Variants in EGFR observed in about 807,000 individuals in gnomAD.
EGFR encodes the protein avian erythroblastic leukemia viral (v-erb-b) oncogene homolog.
A neutral mutation model predicts 143.0 loss-of-function variants in EGFR; 58 were observed. The ratio of observed to expected loss-of-function variants is 0.41; its 90% CI spans 0.33 to 0.50. The LOEUF is 0.50. EGFR is among the 20% of genes least tolerant of loss of function. The pLI is 0.39. For synonymous variants in EGFR, 613 were observed against 594.4 expected (o/e 1.03, Z -0.45); for missense variants, 1,307 against 1,579.0 (o/e 0.83, Z 2.92).
Position 55,190,159 on chromosome 7 carries a change from T to G in EGFR, c.2470-1560T>G, listed in dbSNP as rs927558934. On this transcript the variant is annotated intron_variant, in intron 20 of 27. Transcript: ENST00000275493. ...TCCTCTCCCTTTCCACCCACCATCC[T>G]GACATAATACTTCCTAATCTGGAAG... Among the ~76,000 whole-genome samples the G allele has an allele frequency of 2.0e-5, 3 of 152,258 alleles. No homozygotes were observed. In the South Asian group the frequency reaches 6.2e-4, roughly 32 times the overall value.
chr7:55,138,932 G>A (rs1322768267), intron 1 of EGFR, among the ~76,000 whole-genome samples: 1 of 152,156 alleles, frequency 6.6e-6, no homozygotes, highest in Non-Finnish European at 1.5e-5. Flanking sequence ...CATGTGAGGT[G>A]GTGGGGAAGA....
Position 55,151,278 on chromosome 7 carries a change from T to A in EGFR, c.560-16T>A. 1 of 1,614,000 alleles carries A rather than the reference T, an allele frequency of 6.2e-7. No individual in the cohort carries two copies. Among genetic ancestry groups the A allele is most frequent in the Non-Finnish European group, 8.5e-7 (1 of 1,179,836 alleles). ...TCATTTCACTGAGATATGCATCTAT[T>A]ACTTTTACATTTCAGGCCAAAAGTG... On this transcript the variant is annotated splice_polypyrimidine_tract_variant and intron_variant, in intron 4 of 27. Transcript: ENST00000275493.
chr7:55,147,481 G>A (rs560791335), intron 4 of EGFR, among the ~76,000 whole-genome samples: 4 of 150,198 alleles, frequency 2.7e-5, no homozygotes, highest in Admixed American at 1.3e-4. Flanking sequence ...ACTGTGCAGT[G>A]GATGCCTGTT....
intron 19 of EGFR, among the ~76,000 whole-genome samples, chr7:55,178,587 G>A (rs1786710870): frequency 6.6e-6 from 1 of 152,184 alleles, no homozygotes; most frequent in Non-Finnish European, 1.5e-5. Context: ...CACCTCGTCA[G>A]CCTCAGCTTA....
intron 1 of EGFR, among the ~76,000 whole-genome samples, chr7:55,135,643 A>G (rs1162390720): frequency 2.0e-5 from 3 of 152,140 alleles, no homozygotes; most frequent in Admixed American, 1.3e-4. Flanking sequence ...AAATAAGTGT[A>G]TTTACTTTGG....
At chr7:55,155,150 C>G (rs955202281) in intron 7 of EGFR, among the ~76,000 whole-genome samples, 8 of 152,176 alleles carry the variant, frequency 5.3e-5, no homozygotes, top group Non-Finnish European at 8.8e-5. Flanking sequence ...AAAACAGGAA[C>G]AGGCCAGGCA....
Position 55,142,404 on chromosome 7 carries a change from T to C in EGFR, c.207T>C (p.Tyr69=), listed in dbSNP as rs1248926893. The C allele has an allele frequency of 6.2e-7, 1 of 1,614,106 alleles. No homozygotes were observed. Among genetic ancestry groups the C allele is most frequent in the East Asian group, 2.2e-5 (1 of 44,900 alleles). Reference sequence around the variant, plus strand: ...TCCTTGGGAATTTGGAAATTACCTATGTGCAGAGGAATTATGATCTTTCCT... The same window carrying C: ...TCCTTGGGAATTTGGAAATTACCTACGTGCAGAGGAATTATGATCTTTCCT... ...EVVLGNLEIT[Y]VQRNYDLSFL... is the part of the protein sequence containing the mutation. Residue 69 remains tyrosine (Y), a synonymous_variant, in exon 2 of 28, where the codon TAT becomes TAC. Coordinates refer to ENST00000275493, the MANE Select transcript of EGFR (RefSeq NM_005228.5).
chr7:55,083,718 T>A (rs1297947947), intron 1 of EGFR, among the ~76,000 whole-genome samples: 1 of 152,252 alleles, frequency 6.6e-6, no homozygotes, highest in Non-Finnish European at 1.5e-5. Flanking sequence ...TTAGTCGAAT[T>A]TGTGTTTTAA....
chr7:55,096,946 GT>G (rs1791510190), intron 1 of EGFR, among the ~76,000 whole-genome samples: 2 of 151,822 alleles, frequency 1.3e-5, no homozygotes, highest in East Asian at 4.0e-4. Context: ...TGAAAGTGCT[GT>G]CCGTTCCTTA....
chr7:55,125,075 G>T (rs1793443850), intron 1 of EGFR, among the ~76,000 whole-genome samples: 1 of 152,192 alleles, frequency 6.6e-6, no homozygotes, highest in African/African-American at 2.4e-5. Flanking sequence ...TGCATTTCCA[G>T]CAGGCTCCTG....
At chr7:55,087,571 G>A (rs914410772) in intron 1 of EGFR, among the ~76,000 whole-genome samples, 1 of 152,212 alleles carries the variant, frequency 6.6e-6, no homozygotes, top group Admixed American at 6.5e-5. Context: ...TTGGCACCAA[G>A]GATTTCTGGT....
intron 1 of EGFR, among the ~76,000 whole-genome samples, chr7:55,105,995 C>A (rs564490272): frequency 6.6e-6 from 1 of 152,324 alleles, no homozygotes; most frequent in Admixed American, 6.5e-5. Flanking sequence ...ACATAGATTT[C>A]TGTGTGCTTA....
In EGFR at chr7:55,171,344, C is replaced by A. The variant is rs554651491; in HGVS notation, c.1919+131C>A. ...GTTTCTATGGCTCTGGGCCAGCCTA[C>A]CCTCAGCCAGGGTTTCTGCAGAGAC... On this transcript the variant is annotated intron_variant, in intron 16 of 27. Coordinates refer to ENST00000275493, the MANE Select transcript of EGFR (RefSeq NM_005228.5). 18 of 1,324,652 alleles carry A rather than the reference C, an allele frequency of 1.4e-5. No individual in the cohort carries two copies. The East Asian group carries it at 3.8e-4, about 28-fold the overall frequency. The allele number at this position is 1,324,652 out of a possible 1,614,324, so 82.1% of individuals were successfully genotyped here.
chr7:55,026,498 C>T (rs1276354532), intron 1 of EGFR, among the ~76,000 whole-genome samples: 4 of 152,224 alleles, frequency 2.6e-5, no homozygotes, highest in African/African-American at 9.6e-5. Context: ...ACTGCATCAG[C>T]CTAATGGCTA....
chr7:55,120,110 A>T (rs1793110518), intron 1 of EGFR, among the ~76,000 whole-genome samples: 1 of 152,218 alleles, frequency 6.6e-6, no homozygotes, highest in African/African-American at 2.4e-5. Context: ...GTGGGCCAGG[A>T]CAAGCTACTC....
intron 1 of EGFR, among the ~76,000 whole-genome samples, chr7:55,027,993 T>TATAC (rs1787017729): frequency 1.6e-5 from 1 of 61,148 alleles, no homozygotes; most frequent in Non-Finnish European, 3.4e-5. Flanking sequence ...AAAAAAAAAA[T>TATAC]ATATATATAT....
At chr7:55,031,862 C>G (rs1392624610) in intron 1 of EGFR, among the ~76,000 whole-genome samples, 1 of 152,088 alleles carries the variant, frequency 6.6e-6, no homozygotes, top group African/African-American at 2.4e-5. Flanking sequence ...ATTAGCATTC[C>G]TCTGACTTAA....
intron 4 of EGFR, 62 bp downstream of exon 4, chr7:55,146,802 T>G (rs1584153156): frequency 6.2e-7 from 1 of 1,609,568 alleles, no homozygotes; most frequent in South Asian, 1.1e-5. Context: ...TCTACAGCAC[T>G]GGGGCAGGGG....
chr7:55,068,951 T>G (rs143603018), intron 1 of EGFR, among the ~76,000 whole-genome samples: 1 of 152,024 alleles, frequency 6.6e-6, no homozygotes, highest in Admixed American at 6.6e-5. Flanking sequence ...GTATTTGGAG[T>G]AGGAGGTCTT....
Sources: allele counts gnomAD v4.1 joint callset (sites outside exome capture counted in the v4.1 genomes callset), GRCh38; gene constraint gnomAD v4.1.1; transcripts MANE v1.5; gene names NCBI Gene and HGNC (gene_info 2026-07-23, HGNC 2026-07-21).